SLC17A1: variants seen among roughly 807,000 people sequenced by gnomAD.
SLC17A1 encodes the protein sodium-dependent phosphate transport protein 1.
A neutral mutation model predicts 53.5 loss-of-function variants in SLC17A1; 51 were observed. That is an observed-to-expected ratio of 0.95 (90% CI 0.76 to 1.20). The LOEUF is 1.20. Among genes scored for constraint, SLC17A1 ranks in the 50% most tolerant of loss-of-function variants. The pLI is 0.00. For synonymous variants in SLC17A1, 179 were observed against 198.8 expected, an observed-to-expected ratio of 0.90 and a Z score of 0.84; for missense variants, 538 against 568.2, an observed-to-expected ratio of 0.95 and a Z score of 0.54.
the SLC17A1 span, among the ~76,000 whole-genome samples, chr6:25,755,048 T>TACACACACACACACACAC: frequency 2.1e-5 from 3 of 144,946 alleles, no homozygotes; most frequent in Admixed American, 6.9e-5. Flanking sequence ...CACACACACA[T>TACACACACACACACACAC]ACACACACAC....
At chr6:25,788,801 T>C (rs191093331) in intron 12 of SLC17A1, among the ~76,000 whole-genome samples, 4 of 152,244 alleles carry the variant, frequency 2.6e-5, no homozygotes, top group African/African-American at 9.6e-5. Context: ...AATGGGATGA[T>C]GGTGGCACAC....
rs200244244 is a variant in SLC17A1, at chr6:25,824,295, C to T, written c.207+2166G>A. On this transcript the variant is annotated intron_variant, in intron 3 of 12. Coordinates refer to ENST00000244527, the MANE Select transcript of SLC17A1 (RefSeq NM_005074.5). ...TGGATCTACATTTAAGAAGTAAGAC[C>T]ATTAGAAAAGAATAAATGCCATTAT... 5.9e-5 allele frequency among the ~76,000 whole-genome samples: 9 copies of T among 151,496 alleles called. No individual in the cohort carries two copies. In the East Asian group the frequency reaches 1.7e-3, roughly 29 times the overall value.
intron 12 of SLC17A1, among the ~76,000 whole-genome samples, chr6:25,789,848 T>C (rs1032464799): frequency 1.3e-5 from 2 of 152,158 alleles, no homozygotes; most frequent in African/African-American, 2.4e-5. Context: ...ACTGATACAA[T>C]TGATGAAATG....
At chr6:25,766,803 T>A in the SLC17A1 span, among the ~76,000 whole-genome samples, 1 of 152,214 alleles carries the variant, frequency 6.6e-6, no homozygotes, top group African/African-American at 2.4e-5. Flanking sequence ...GACTACAAAG[T>A]ATTTAGAATA....
intron 3 of SLC17A1, among the ~76,000 whole-genome samples, chr6:25,824,396 A>T (rs910568736): frequency 2.6e-5 from 4 of 151,894 alleles, no homozygotes; most frequent in Non-Finnish European, 5.9e-5. Flanking sequence ...ATGCCATTAA[A>T]AAATAAATAA....
At chr6:25,731,687 TAATAA>T in the SLC17A1 span, 2 of 839,330 alleles carry the variant, frequency 2.4e-6, no homozygotes, top group African/African-American at 1.7e-5. Flanking sequence ...GCATACTCTA[TAATAA>T]AATAAACATT....
At chr6:25,742,042 A>G in the SLC17A1 span, among the ~76,000 whole-genome samples, 1 of 152,194 alleles carries the variant, frequency 6.6e-6, no homozygotes, top group Non-Finnish European at 1.5e-5. Flanking sequence ...TCTCAGAAAA[A>G]TGTTGTAAAA....
chr6:25,727,568 T>C, the SLC17A1 span, among the ~76,000 whole-genome samples: 1 of 142,322 alleles, frequency 7.0e-6, no homozygotes, highest in Non-Finnish European at 1.6e-5. Context: ...ATTTTTGTAT[T>C]TTTAGTAGAG....
Position 25,811,628 on chromosome 6 carries a change from T to A in SLC17A1, c.1030+10A>T. The A allele has an allele frequency of 6.2e-7, 1 of 1,613,930 alleles. No individual in the cohort carries two copies. The highest frequency in any genetic ancestry group is 1.1e-5 in the South Asian group (1 of 91,072). On this transcript the variant is annotated intron_variant, in intron 9 of 12. Coordinates refer to ENST00000244527, the MANE Select transcript of SLC17A1 (RefSeq NM_005074.5). ...CTCCCAAGTGCTTAAATGTTCTGGCTGTTGCTTACCTGCTGCTGTGAAGAG... is the reference window on the plus strand; with the variant it reads ...CTCCCAAGTGCTTAAATGTTCTGGCAGTTGCTTACCTGCTGCTGTGAAGAG...
chr6:25,819,968 G>T, intron 3 of SLC17A1, 53 bp from the exon 4 acceptor site: 1 of 1,241,136 alleles, frequency 8.1e-7, no homozygotes, highest in Non-Finnish European at 1.1e-6. Flanking sequence ...GAAATTTACT[G>T]TGACATTTAG....
chr6:25,731,849 C>T, the SLC17A1 span: 1 of 1,602,720 alleles, frequency 6.2e-7, no homozygotes, highest in East Asian at 2.2e-5. Flanking sequence ...TGGCTAGTTC[C>T]CCAGGCAGCA....
chr6:25,815,522 C>T (rs968609212), intron 6 of SLC17A1, among the ~76,000 whole-genome samples: 2 of 151,976 alleles, frequency 1.3e-5, no homozygotes, highest in Non-Finnish European at 2.9e-5. Context: ...TCCCCTTTTC[C>T]TCTTGCTCCT....
the SLC17A1 span, chr6:25,771,139 A>C: frequency 1.4e-6 from 1 of 738,750 alleles, no homozygotes; most frequent in Non-Finnish European, 2.3e-6. Context: ...TTCAGAGCCA[A>C]CTACATTTAA....
At chr6:25,808,080 C>T (rs577490691) in intron 10 of SLC17A1, among the ~76,000 whole-genome samples, 24 of 152,214 alleles carry the variant, frequency 1.6e-4, no homozygotes, top group African/African-American at 5.5e-4. Context: ...TACATTCCCA[C>T]CAACAGTGTA....
At chr6:25,726,660 C>CTT in the SLC17A1 span, 1 of 1,214,142 alleles carries the variant, frequency 8.2e-7, no homozygotes, top group Non-Finnish European at 1.2e-6. Context: ...GAAAGTCGTA[C>CTT]TAGAATCGCC....
intron 12 of SLC17A1, among the ~76,000 whole-genome samples, chr6:25,785,795 C>T (rs1357920566): frequency 1.3e-5 from 2 of 151,996 alleles, no homozygotes; most frequent in African/African-American, 4.8e-5. Flanking sequence ...TTCACATTCA[C>T]TGAGATGGCT....
intron 8 of SLC17A1, 122 bp downstream of exon 8, chr6:25,812,709 T>G (rs1764199715): frequency 4.5e-6 from 3 of 672,188 alleles, no homozygotes; most frequent in Non-Finnish European, 7.5e-6. Flanking sequence ...AGTTTCCAGG[T>G]GAAGAGCAGT....
At chr6:25,805,886 CCAACAA>C (rs373740774) in intron 10 of SLC17A1, among the ~76,000 whole-genome samples, 203 of 151,450 alleles carry the variant, frequency 1.3e-3, no homozygotes, top group Non-Finnish European at 2.3e-3. Flanking sequence ...TAAAAAATTG[CCAACAA>C]CAACAACAAC....
chr6:25,819,470 A>G, intron 5 of SLC17A1, 41 bp downstream of exon 5: 2 of 1,451,788 alleles, frequency 1.4e-6, no homozygotes, highest in Non-Finnish European at 1.9e-6. Flanking sequence ...ATACAATGAG[A>G]TGAAGATAGG....
Sources: allele counts gnomAD v4.1 joint callset (sites outside exome capture counted in the v4.1 genomes callset), GRCh38; gene constraint gnomAD v4.1.1; transcripts MANE v1.5; gene names NCBI Gene and HGNC (gene_info 2026-07-23, HGNC 2026-07-21).